Variants in CRIM1 observed in about 807,000 individuals in gnomAD.
CRIM1 encodes cysteine-rich motor neuron 1 protein.
Under a neutral mutation model 116.4 loss-of-function variants are expected in CRIM1, and 32 were observed. That is an observed-to-expected ratio of 0.27 (90% CI 0.21 to 0.37). The LOEUF is 0.37. Ranked by LOEUF, CRIM1 falls within the 10% of genes least tolerant of loss-of-function variation. CRIM1 has a pLI of 1.00. For synonymous variants in CRIM1, 590 were observed against 509.2 expected, an observed-to-expected ratio of 1.16 and a Z score of -2.13; for missense variants, 1,331 against 1,354.8, an observed-to-expected ratio of 0.98 and a Z score of 0.28.
At chr2:36,437,516 T>G (rs1284522803) in intron 2 of CRIM1, among the ~76,000 whole-genome samples, 1 of 152,190 alleles carries the variant, frequency 6.6e-6, no homozygotes, top group African/African-American at 2.4e-5. Context: ...CAACAGGATC[T>G]TTAAAAACAG....
chr2:36,469,885 G>A (rs1274143690), intron 5 of CRIM1, among the ~76,000 whole-genome samples: 1 of 152,016 alleles, frequency 6.6e-6, no homozygotes, highest in African/African-American at 2.4e-5. Flanking sequence ...TCTAAGGGTT[G>A]TTCTCTTCCC....
Position 36,485,849 on chromosome 2 carries a change from C to T in CRIM1, c.1372+6155C>T, listed in dbSNP as rs1021315082. On this transcript the variant is annotated intron_variant, in intron 7 of 16. Coordinates refer to ENST00000280527, the MANE Select transcript of CRIM1 (RefSeq NM_016441.3). ...AGAATAATAAAATATTCGTAATAGC[C>T]TAAAGACTGTTAGGCATGTGTTTTA... Among the ~76,000 whole-genome samples the T allele has an allele frequency of 5.3e-5, 8 of 152,302 alleles. No individual in the cohort carries two copies. In the East Asian group the frequency reaches 1.5e-3, roughly 29 times the overall value.
intron 2 of CRIM1, among the ~76,000 whole-genome samples, chr2:36,433,531 C>G (rs1357955394): frequency 1.3e-5 from 2 of 152,148 alleles, no homozygotes; most frequent in Admixed American, 6.5e-5. Flanking sequence ...TGTAAAGATT[C>G]TCTGTTTGCT....
chr2:36,420,826 G>A (rs1673998727), intron 2 of CRIM1, among the ~76,000 whole-genome samples: 1 of 152,200 alleles, frequency 6.6e-6, no homozygotes. Flanking sequence ...ATACGTCGTG[G>A]GGTTGGTTGA....
Position 36,432,168 on chromosome 2 carries a change from G to A in CRIM1, c.506-9090G>A, listed in dbSNP as rs1362569358. On this transcript the variant is annotated intron_variant, in intron 2 of 16. Transcript: ENST00000280527. ...CTCTAATAATTTTGATTCCTTTTTT[G>A]TGGGTCAGTGTTTATGGCAAAATGT... is the stretch of plus-strand genomic sequence containing the variant. Among the ~76,000 whole-genome samples the A allele has an allele frequency of 2.0e-5, 3 of 151,928 alleles. No homozygotes were observed. In the East Asian group the frequency reaches 5.8e-4, roughly 29 times the overall value.
At chr2:36,530,178 A>C (rs1666017984) in intron 13 of CRIM1, among the ~76,000 whole-genome samples, 1 of 152,216 alleles carries the variant, frequency 6.6e-6, no homozygotes, top group Non-Finnish European at 1.5e-5. Context: ...GCCTCATTGA[A>C]ATTGTCTAGG....
intron 1 of CRIM1, among the ~76,000 whole-genome samples, chr2:36,371,898 A>G (rs1669969471): frequency 6.6e-6 from 1 of 152,184 alleles, no homozygotes; most frequent in African/African-American, 2.4e-5. Flanking sequence ...TAAATTATCA[A>G]CACACTTCAG....
chr2:36,489,505 G>T (rs971412092), intron 7 of CRIM1, among the ~76,000 whole-genome samples: 30 of 152,042 alleles, frequency 2.0e-4, no homozygotes, highest in African/African-American at 2.4e-5. Flanking sequence ...ATTCCACAGG[G>T]GGTGTGTCCC....
chr2:36,528,543 G>A (rs1572935839), intron 13 of CRIM1, among the ~76,000 whole-genome samples: 2 of 152,230 alleles, frequency 1.3e-5, no homozygotes, highest in African/African-American at 4.8e-5. Context: ...TACTGTGCAT[G>A]ATCCACTGTG....
intron 1 of CRIM1, among the ~76,000 whole-genome samples, chr2:36,380,250 A>G (rs1176952532): frequency 6.6e-6 from 1 of 152,164 alleles, no homozygotes; most frequent in Non-Finnish European, 1.5e-5. Context: ...TTGATGCTAC[A>G]CAGTTTGAGC....
intron 13 of CRIM1, chr2:36,532,011 A>G (rs1311122604): frequency 6.4e-6 from 3 of 470,550 alleles, no homozygotes; most frequent in South Asian, 3.1e-5. Context: ...ATTCTTGCAG[A>G]GACTTTGTTT....
Position 36,479,507 on chromosome 2 carries a change from T to A in CRIM1, c.1185T>A (p.Tyr395Ter). The A allele has an allele frequency of 6.2e-7, 1 of 1,614,198 alleles. No individual in the cohort carries two copies. Among genetic ancestry groups the A allele is most frequent in the Non-Finnish European group, 8.5e-7 (1 of 1,180,012 alleles). ...ECCPVCEDPV[Y>*]PFNNPAGCYA... ...CATGTTCTCATTTAGATCCAGTGTATCCTTTTAATAATCCCGCTGGCTGCT... is the reference window on the plus strand; with the variant it reads ...CATGTTCTCATTTAGATCCAGTGTAACCTTTTAATAATCCCGCTGGCTGCT... The change falls in exon 7 of 17, where the codon TAT becomes TAA. Residue 395 changes from tyrosine (Y) to a stop codon, truncating the protein, a stop_gained. Coordinates refer to ENST00000280527, the MANE Select transcript of CRIM1 (RefSeq NM_016441.3). LOFTEE classifies it high-confidence loss of function.
intron 12 of CRIM1, 131 bp downstream of exon 12, chr2:36,517,673 C>G (rs947868818): frequency 1.6e-4 from 124 of 792,000 alleles, no homozygotes; most frequent in Non-Finnish European, 2.2e-4. Flanking sequence ...CCATCAGGAA[C>G]AGCTGGCAGC....
intron 4 of CRIM1, 83 bp from the exon 5 acceptor site, chr2:36,464,451 C>G: frequency 6.7e-7 from 1 of 1,481,544 alleles, no homozygotes; most frequent in Admixed American, 1.7e-5. Flanking sequence ...TTTGCCACAG[C>G]CACTGCCACT....
intron 1 of CRIM1, among the ~76,000 whole-genome samples, chr2:36,379,633 A>G (rs1025394007): frequency 4.6e-5 from 7 of 152,016 alleles, no homozygotes; most frequent in African/African-American, 1.5e-4. Context: ...TCCGGAAAAC[A>G]TATCCTCTCA....
intron 2 of CRIM1, among the ~76,000 whole-genome samples, chr2:36,419,696 A>C (rs757589261): frequency 6.6e-6 from 1 of 152,210 alleles, no homozygotes; most frequent in Non-Finnish European, 1.5e-5. Flanking sequence ...TCTGAGCATA[A>C]AGCTTCATTT....
chr2:36,435,802 G>C lies in CRIM1; in HGVS notation c.506-5456G>C, dbSNP rs1209852759. On this transcript the variant is annotated intron_variant, in intron 2 of 16. Coordinates refer to ENST00000280527, the MANE Select transcript of CRIM1 (RefSeq NM_016441.3). ...GGTAAAATCATTTTATATTGGGTGAGCCTGTCAATATTTTAATACTAACTT... is the reference window on the plus strand; with the variant it reads ...GGTAAAATCATTTTATATTGGGTGACCCTGTCAATATTTTAATACTAACTT... Among the ~76,000 whole-genome samples, 5 of 152,020 alleles carry C rather than the reference G, an allele frequency of 3.3e-5. No homozygotes were observed. In the East Asian group the frequency reaches 9.7e-4, roughly 30 times the overall value.
At chr2:36,378,198 C>T (rs1225426668) in intron 1 of CRIM1, among the ~76,000 whole-genome samples, 4 of 152,232 alleles carry the variant, frequency 2.6e-5, no homozygotes, top group Non-Finnish European at 5.9e-5. Context: ...TGTAGCACAG[C>T]ACTGTGTAAG....
intron 1 of CRIM1, among the ~76,000 whole-genome samples, chr2:36,363,950 C>T (rs960975190): frequency 6.6e-6 from 1 of 152,166 alleles, no homozygotes; most frequent in East Asian, 1.9e-4. Context: ...TCTAGCTCTA[C>T]CTGTTCTTCT....
Sources: allele counts gnomAD v4.1 joint callset (sites outside exome capture counted in the v4.1 genomes callset), GRCh38; gene constraint gnomAD v4.1.1; transcripts MANE v1.5; gene names NCBI Gene and HGNC (gene_info 2026-07-23, HGNC 2026-07-21).